ATP2C2: variants seen among roughly 807,000 people sequenced by gnomAD.
ATP2C2 encodes the protein calcium-transporting ATPase type 2C member 2.
In ATP2C2, 171 loss-of-function variants were observed where a neutral mutation model predicts 110.8. The ratio of observed to expected loss-of-function variants is 1.54; its 90% CI spans 1.36 to 1.75. ATP2C2 has a LOEUF of 1.75. ATP2C2 is among the 40% of genes most tolerant of loss of function. The probability of loss-of-function intolerance (pLI) is 0.00; values close to 1 mark genes in which losing one functional copy is unlikely to be tolerated. For missense variants in ATP2C2, 1,963 were observed against 1,235.0 expected (o/e 1.59, Z -8.84); for synonymous variants, 804 against 508.4 (o/e 1.58, Z -7.82).
chr16:84,463,670 A>C lies in ATP2C2; in HGVS notation c.2779A>C (p.Lys927Gln). The change falls in exon 27 of 27, where the codon AAA becomes CAA. Residue 927 changes from lysine to glutamine, a missense_variant. Coordinates refer to ENST00000262429, the MANE Select transcript of ATP2C2 (RefSeq NM_014861.4). ...SSVFILSELL[K>Q]LCEKYCCSPK... ...CGTCTTCATTTTGTCAGAGCTCCTC[A>C]AACTATGTGAAAAATACTGTTGCAG... is the stretch of plus-strand genomic sequence containing the variant. The C allele has an allele frequency of 1.1e-5, 18 of 1,614,182 alleles. No homozygotes were observed. The highest frequency in any genetic ancestry group is 1.5e-5 in the Non-Finnish European group (18 of 1,180,038).
At chr16:84,419,952 G>C (rs934485776) in intron 7 of ATP2C2, among the ~76,000 whole-genome samples, 1 of 152,168 alleles carries the variant, frequency 6.6e-6, no homozygotes, top group Non-Finnish European at 1.5e-5. Context: ...GGAGATAGCA[G>C]CTTTTGGCGC....
chr16:84,447,727 AAT>A (rs913688910), intron 16 of ATP2C2, among the ~76,000 whole-genome samples: 13 of 137,918 alleles, frequency 9.4e-5, no homozygotes, highest in African/African-American at 2.1e-4. Context: ...ATTGTATAAG[AAT>A]ATATTAGTTA....
rs566701018 is a variant in ATP2C2 at position 84,442,487 on chromosome 16, A to G, written c.1312-23A>G. The G allele has an allele frequency of 1.9e-6, 3 of 1,612,780 alleles. No homozygotes were observed. The African/African-American group carries it at 4.0e-5, about 22-fold the overall frequency. ...TTCATGAGCCCAGTACTAACTACAGATGTCCGGACAATCCCCTTTTAGGCG... is the reference window on the plus strand; with the variant it reads ...TTCATGAGCCCAGTACTAACTACAGGTGTCCGGACAATCCCCTTTTAGGCG... On this transcript the variant is annotated intron_variant, in intron 14 of 26. Coordinates refer to ENST00000262429, the MANE Select transcript of ATP2C2 (RefSeq NM_014861.4).
At chr16:84,428,519 C>T (rs556094171) in intron 11 of ATP2C2, among the ~76,000 whole-genome samples, 6 of 152,168 alleles carry the variant, frequency 3.9e-5, no homozygotes, top group African/African-American at 1.4e-4. Flanking sequence ...CAAACAAAAT[C>T]TTAGTAACAC....
At chr16:84,463,134 G>A (rs1045670742) in intron 26 of ATP2C2, 1 of 165,352 alleles carries the variant, frequency 6.0e-6, no homozygotes, top group Non-Finnish European at 1.3e-5. Flanking sequence ...CATCAACAGG[G>A]AGCCAGGGAT....
chr16:84,452,632 G>A (rs910943163), intron 18 of ATP2C2, among the ~76,000 whole-genome samples: 1 of 151,346 alleles, frequency 6.6e-6, no homozygotes. Flanking sequence ...CTGAGTAGCT[G>A]GGACTACAGG....
chr16:84,402,207 C>G (rs182033616), intron 2 of ATP2C2, among the ~76,000 whole-genome samples: 293 of 152,202 alleles, frequency 1.9e-3, no homozygotes, highest in Non-Finnish European at 3.5e-3. Flanking sequence ...TTTATGAGTT[C>G]TAATAGCTTT....
At chr16:84,378,114 T>C (rs1234203690) in intron 1 of ATP2C2, among the ~76,000 whole-genome samples, 2 of 152,200 alleles carry the variant, frequency 1.3e-5, no homozygotes, top group Non-Finnish European at 2.9e-5. Context: ...AGGCAGGCAC[T>C]GCACCTCACT....
At position 84,447,025 on chromosome 16, in the gene ATP2C2, G is replaced by A. The variant is rs112716419; in HGVS notation, c.1503+595G>A. ...ACACATACCAAGCTATGGCCACCCCGGGTGGACATTACAGCTGATTTTTAA... is the reference window on the plus strand; with the variant it reads ...ACACATACCAAGCTATGGCCACCCCAGGTGGACATTACAGCTGATTTTTAA... On this transcript the variant is annotated intron_variant, in intron 16 of 26. Transcript: ENST00000262429. Among the ~76,000 whole-genome samples, 926 of 152,252 alleles carry A rather than the reference G, an allele frequency of 6.1e-3. 13 individuals are homozygous for A. The highest frequency in any genetic ancestry group is 0.021 in the African/African-American group (864 of 41,540).
At chr16:84,432,934 G>C (rs972764410) in intron 11 of ATP2C2, among the ~76,000 whole-genome samples, 1 of 152,178 alleles carries the variant, frequency 6.6e-6, no homozygotes, top group Non-Finnish European at 1.5e-5. Context: ...GCTCCAGCAA[G>C]AACAGGACCA....
intron 1 of ATP2C2, among the ~76,000 whole-genome samples, chr16:84,387,037 C>T (rs1318549521): frequency 6.6e-6 from 1 of 152,144 alleles, no homozygotes; most frequent in East Asian, 1.9e-4. Flanking sequence ...CACCTGTGGG[C>T]AGTGGGGTTG....
chr16:84,401,136 C>A (rs1219547183), intron 2 of ATP2C2, among the ~76,000 whole-genome samples: 3 of 150,616 alleles, frequency 2.0e-5, no homozygotes, highest in African/African-American at 4.9e-5. Flanking sequence ...CTCAAGAAAT[C>A]TTTGCCCAGT....
intron 18 of ATP2C2, among the ~76,000 whole-genome samples, chr16:84,452,643 C>T (rs952035405): frequency 2.6e-5 from 4 of 151,962 alleles, no homozygotes; most frequent in African/African-American, 9.7e-5. Flanking sequence ...GGACTACAGG[C>T]ACCCACCACC....
At chr16:84,446,297 C>G in intron 15 of ATP2C2, 32 bp from the exon 16 acceptor site, 1 of 1,367,874 alleles carries the variant, frequency 7.3e-7, no homozygotes. Flanking sequence ...CTTCGGATGA[C>G]TCACTAAAAA....
chr16:84,387,605 G>A (rs1335458543), intron 1 of ATP2C2, among the ~76,000 whole-genome samples: 1 of 152,204 alleles, frequency 6.6e-6, no homozygotes, highest in Non-Finnish European at 1.5e-5. Context: ...AGCGTACTTA[G>A]AATACTATAG....
intron 10 of ATP2C2, 96 bp from the exon 11 acceptor site, chr16:84,425,639 T>C: frequency 7.3e-7 from 1 of 1,374,576 alleles, no homozygotes. Context: ...TGTGCATGCA[T>C]TCCTGTAAAC....
Position 84,461,718 on chromosome 16 carries a change from C to T in ATP2C2, c.2486C>T (p.Pro829Leu), listed in dbSNP as rs753316800. Residue 829 changes from proline to leucine, a missense_variant, in exon 25 of 27, where the codon CCT becomes CTT. Coordinates refer to ENST00000262429, the MANE Select transcript of ATP2C2 (RefSeq NM_014861.4). ...GTLFIFWKEM[P>L]EDRASTPRTT... is the part of the protein sequence containing the mutation. ...ACCTTTGTGCTCACCTTCCAGATGC[C>T]TGAAGACAGAGCAAGCACTCCCCGC... The T allele has an allele frequency of 2.5e-6, 4 of 1,614,102 alleles. No homozygotes were observed. The highest frequency in any genetic ancestry group is 3.4e-6 in the Non-Finnish European group (4 of 1,179,940).
At chr16:84,426,778 A>G (rs1405051892) in intron 11 of ATP2C2, among the ~76,000 whole-genome samples, 1 of 152,222 alleles carries the variant, frequency 6.6e-6, no homozygotes, top group Non-Finnish European at 1.5e-5. Context: ...CAATGGATGT[A>G]GAGCCCAAGG....
At chr16:84,406,304 G>T (rs1359295978) in intron 3 of ATP2C2, among the ~76,000 whole-genome samples, 1 of 152,236 alleles carries the variant, frequency 6.6e-6, no homozygotes, top group African/African-American at 2.4e-5. Flanking sequence ...ACCTTTGCAG[G>T]ACCAGTTCAG....
Sources: gnomAD v4.1 joint callset for allele counts (sites outside exome capture counted in the v4.1 genomes callset) on GRCh38, gnomAD v4.1.1 for gene constraint, MANE v1.5 for transcripts, NCBI Gene and HGNC (gene_info 2026-07-23, HGNC 2026-07-21) for gene names.